Variants in CCDC62 observed in about 807,000 individuals in gnomAD.
CCDC62 encodes the protein coiled-coil domain-containing protein 62.
A neutral mutation model predicts 80.8 loss-of-function variants in CCDC62; 72 were observed. The observed-to-expected ratio is 0.89, with a 90% CI of 0.74 to 1.08. The LOEUF (loss-of-function observed/expected upper bound fraction) is 1.08. Among genes scored for constraint, CCDC62 ranks in the 50% least tolerant of loss-of-function variants. The pLI is 0.00. For synonymous variants in CCDC62, 286 were observed against 296.5 expected, an observed-to-expected ratio of 0.96 and a Z score of 0.36; for missense variants, 704 against 809.4, an observed-to-expected ratio of 0.87 and a Z score of 1.58.
intron 5 of CCDC62, among the ~76,000 whole-genome samples, chr12:122,791,719 G>A (rs2030618391): frequency 6.6e-6 from 1 of 152,250 alleles, no homozygotes; most frequent in Non-Finnish European, 1.5e-5. Flanking sequence ...AAAGTGCTGG[G>A]ATTATAGGCG....
chr12:122,783,104 G>A (rs912634139), intron 3 of CCDC62, among the ~76,000 whole-genome samples: 2 of 129,158 alleles, frequency 1.5e-5, no homozygotes, highest in African/African-American at 5.1e-5. Flanking sequence ...GAGACTCCTT[G>A]TCAAAAAAAA....
intron 8 of CCDC62, among the ~76,000 whole-genome samples, chr12:122,798,499 A>G (rs2031101229): frequency 1.3e-5 from 2 of 152,306 alleles, no homozygotes; most frequent in South Asian, 4.1e-4. Context: ...GCTACTTGCA[A>G]GGCTGAGGCA....
chr12:122,796,118 A>C (rs2030939740), intron 6 of CCDC62, among the ~76,000 whole-genome samples: 1 of 152,142 alleles, frequency 6.6e-6, no homozygotes, highest in Non-Finnish European at 1.5e-5. Flanking sequence ...GCAAAAGTAG[A>C]TTATTCTGAA....
At chr12:122,775,537 GC>G (rs1014740286) in intron 1 of CCDC62, among the ~76,000 whole-genome samples, 1 of 152,214 alleles carries the variant, frequency 6.6e-6, no homozygotes, top group Non-Finnish European at 1.5e-5. Context: ...TGGAATTCAA[GC>G]CTTGGGACTT....
chr12:122,807,033 A>T (rs1019252555), intron 10 of CCDC62, among the ~76,000 whole-genome samples: 9 of 152,044 alleles, frequency 5.9e-5, no homozygotes, highest in African/African-American at 2.2e-4. Context: ...CTGCAGAGAC[A>T]TGCATACAGA....
intron 2 of CCDC62, among the ~76,000 whole-genome samples, chr12:122,779,673 C>T (rs914066126): frequency 9.9e-5 from 15 of 151,298 alleles, no homozygotes; most frequent in Admixed American, 7.2e-4. Flanking sequence ...TTTGGGAGGC[C>T]GAGTCAGGCG....
Position 122,801,539 on chromosome 12 carries a change from AG to A in CCDC62, c.1394del (p.Ser465MetfsTer6). ...LSDEKQWHDV[S>X]VYLGLTNCPS... ...TGATGAGAAGCAGTGGCATGATGTC[AG>A]TGTTTACCTGGGCCTGACCAACTGT... On this transcript the variant is annotated frameshift_variant, in exon 9 of 13. Transcript: ENST00000253079. LOFTEE classifies it high-confidence loss of function. The A allele has an allele frequency of 6.2e-7, 1 of 1,614,144 alleles. No homozygotes were observed. Among genetic ancestry groups the A allele is most frequent in the Admixed American group, 1.7e-5 (1 of 59,992 alleles).
chr12:122,795,572 C>T (rs376046253), intron 6 of CCDC62, among the ~76,000 whole-genome samples: 51 of 152,136 alleles, frequency 3.4e-4, no homozygotes, highest in African/African-American at 1.1e-3. Flanking sequence ...TACAGGCGCC[C>T]GCCACCATGC....
intron 11 of CCDC62, among the ~76,000 whole-genome samples, chr12:122,822,370 C>T (rs545034037): frequency 2.0e-5 from 3 of 152,156 alleles, no homozygotes; most frequent in East Asian, 1.9e-4. Flanking sequence ...TCCCAAAGTG[C>T]TGGGATTACA....
intron 2 of CCDC62, among the ~76,000 whole-genome samples, chr12:122,780,240 G>T (rs1175567772): frequency 2.0e-5 from 3 of 151,500 alleles, no homozygotes; most frequent in African/African-American, 7.3e-5. Flanking sequence ...GAACCCAGGA[G>T]GTGGAGGTTG....
rs2030953572 is a variant in CCDC62 at position 122,796,250 on chromosome 12, G to A, written c.773-1057G>A. ...ATTCAGATATATTTAAAATTACTCT[G>A]AGGGCCAGGTAAAGTAGTTGGCTTT... On this transcript the variant is annotated intron_variant, in intron 6 of 12. Transcript: ENST00000253079. Among the ~76,000 whole-genome samples the A allele has an allele frequency of 2.2e-5, 3 of 136,086 alleles. No individual in the cohort carries two copies. In the South Asian group the frequency reaches 6.7e-4, roughly 30 times the overall value. 89.3% of individuals were successfully genotyped at this position (136,086 alleles called of 152,430 possible).
At chr12:122,804,916 C>T (rs2031503596) in intron 9 of CCDC62, among the ~76,000 whole-genome samples, 1 of 143,346 alleles carries the variant, frequency 7.0e-6, no homozygotes, top group Non-Finnish European at 1.5e-5. Context: ...TGAAGTTTCA[C>T]TCTTGTCGCC....
intron 6 of CCDC62, 81 bp downstream of exon 6, chr12:122,792,202 G>GTTTTTT: frequency 4.0e-6 from 2 of 499,724 alleles, no homozygotes; most frequent in Non-Finnish European, 3.5e-6. Context: ...TCCCAAAATG[G>GTTTTTT]TTTTTTTTTT....
chr12:122,806,795 C>T (rs1339245468), intron 10 of CCDC62, among the ~76,000 whole-genome samples: 6 of 118,344 alleles, frequency 5.1e-5, no homozygotes, highest in African/African-American at 1.2e-4. Context: ...TTTTTTCTTT[C>T]GAGAAAAATT....
intron 2 of CCDC62, among the ~76,000 whole-genome samples, chr12:122,780,041 G>T (rs958033285): frequency 6.6e-6 from 1 of 151,964 alleles, no homozygotes; most frequent in Non-Finnish European, 1.5e-5. Flanking sequence ...GCCAGGTACG[G>T]TGGCTCACGC....
At position 122,792,252 on chromosome 12, in the gene CCDC62, G is replaced by C. The variant is rs1390818414; in HGVS notation, c.772+131G>C. The C allele has an allele frequency of 8.6e-6, 5 of 580,618 alleles. No individual in the cohort carries two copies. The East Asian group carries it at 1.5e-4, about 17-fold the overall frequency. The allele number at this position is 580,618 out of a possible 1,614,324, so 36.0% of individuals were successfully genotyped here. A position where few individuals can be genotyped will look rare whatever the true frequency, so the allele number is the denominator to read the frequency against. On this transcript the variant is annotated intron_variant, in intron 6 of 12. Coordinates refer to ENST00000253079, the MANE Select transcript of CCDC62 (RefSeq NM_201435.5). ...AGGGTCTTTTTTGAGACAGGGTCTT[G>C]CTCTGTCACCCAGGCTGGAGTGCAG...
chr12:122,796,153 A>C (rs2030941277), intron 6 of CCDC62, among the ~76,000 whole-genome samples: 1 of 152,152 alleles, frequency 6.6e-6, no homozygotes, highest in South Asian at 2.1e-4. Flanking sequence ...CAACATTCAA[A>C]TATACATATA....
intron 6 of CCDC62, among the ~76,000 whole-genome samples, chr12:122,795,575 C>T (rs1354960082): frequency 6.6e-6 from 1 of 152,142 alleles, no homozygotes; most frequent in Admixed American, 6.6e-5. Flanking sequence ...AGGCGCCCGC[C>T]ACCATGCCCA....
chr12:122,792,739 G>T (rs112399227), intron 6 of CCDC62, among the ~76,000 whole-genome samples: 1 of 151,988 alleles, frequency 6.6e-6, no homozygotes, highest in East Asian at 1.9e-4. Context: ...GGCTGATCTC[G>T]AACTCTGGCC....
Sources: allele counts gnomAD v4.1 joint callset (sites outside exome capture counted in the v4.1 genomes callset), GRCh38; gene constraint gnomAD v4.1.1; transcripts MANE v1.5; gene names NCBI Gene and HGNC (gene_info 2026-07-23, HGNC 2026-07-21).